Variants in CNOT6L observed in about 807,000 individuals in gnomAD.
CNOT6L encodes the protein CCR4-NOT transcription complex subunit 6 like.
In CNOT6L, 7 loss-of-function variants were observed where a neutral mutation model predicts 64.0. The ratio of observed to expected loss-of-function variants is 0.11; its 90% confidence interval spans 0.06 to 0.21. The LOEUF (loss-of-function observed/expected upper bound fraction) is 0.21, where lower values mean the gene tolerates loss of function less well. Ranked by LOEUF, CNOT6L falls within the 10% of genes least tolerant of loss-of-function variation. The probability of loss-of-function intolerance (pLI) is 1.00; values close to 1 mark genes in which losing one functional copy is unlikely to be tolerated. For synonymous variants in CNOT6L, 193 were observed against 243.4 expected (o/e 0.79, Z 1.93); for missense variants, 245 against 669.0 (o/e 0.37, Z 6.99).
intron 8 of CNOT6L, among the ~76,000 whole-genome samples, chr4:77,736,396 T>C (rs1272692413): frequency 6.6e-6 from 1 of 152,234 alleles, no homozygotes; most frequent in Non-Finnish European, 1.5e-5. Context: ...ATCTACAATT[T>C]ATCTTATTTC....
At chr4:77,810,359 A>G (rs1211656651) in intron 1 of CNOT6L, among the ~76,000 whole-genome samples, 1 of 152,204 alleles carries the variant, frequency 6.6e-6, no homozygotes, top group African/African-American at 2.4e-5. Flanking sequence ...TTAGAAAATT[A>G]TAAAGAAAAC....
chr4:77,791,099 G>C (rs1730097147), intron 1 of CNOT6L, among the ~76,000 whole-genome samples: 1 of 151,922 alleles, frequency 6.6e-6, no homozygotes, highest in Non-Finnish European at 1.5e-5. Context: ...CCAACATCAT[G>C]AAACACCGTC....
chr4:77,753,287 A>T lies in CNOT6L; in HGVS notation c.490+3575T>A, dbSNP rs183231714. 2.8e-3 allele frequency among the ~76,000 whole-genome samples: 429 copies of T among 152,280 alleles called. 2 individuals are homozygous for T. The highest frequency in any genetic ancestry group is 1.0e-2 in the African/African-American group (414 of 41,564). On this transcript the variant is annotated intron_variant, in intron 5 of 11. Coordinates refer to ENST00000504123, the MANE Select transcript of CNOT6L (RefSeq NM_144571.3). ...AAGGAAATACTTAAATAAATTTTAC[A>T]AAACCAGTGTAACTTTAATATCACA...
At chr4:77,785,966 C>T (rs1191200711) in intron 1 of CNOT6L, among the ~76,000 whole-genome samples, 2 of 152,102 alleles carry the variant, frequency 1.3e-5, no homozygotes, top group Admixed American at 1.3e-4. Flanking sequence ...AAAATAAAAG[C>T]ATAAGCAAAG....
intron 1 of CNOT6L, among the ~76,000 whole-genome samples, chr4:77,779,427 T>C (rs910999705): frequency 2.6e-5 from 4 of 152,194 alleles, no homozygotes; most frequent in East Asian, 3.8e-4. Context: ...ATAATTACCA[T>C]CTTTTCTGGT....
chr4:77,726,415 ACAC>A, intron 10 of CNOT6L, 46 bp from the exon 11 acceptor site: 10 of 1,462,132 alleles, frequency 6.8e-6, no homozygotes, highest in Non-Finnish European at 9.4e-6. Context: ...TTTAGACCTT[ACAC>A]AAGGCTTCAC....
rs1284631536 is a variant in CNOT6L, at chr4:77,813,242, C to G, written c.5+6062G>C. ...GTAAGAGTTAAGGCTATAAAACTCT[C>G]AGGACAAAACAGGGAAGTAAATATC... On this transcript the variant is annotated intron_variant, in intron 1 of 11. Coordinates refer to ENST00000504123, the MANE Select transcript of CNOT6L (RefSeq NM_144571.3). 4.6e-5 allele frequency among the ~76,000 whole-genome samples: 7 copies of G among 151,994 alleles called. No individual in the cohort carries two copies. The East Asian group carries it at 1.3e-3, about 29-fold the overall frequency.
chr4:77,749,088 G>C (rs1295087351), intron 5 of CNOT6L, among the ~76,000 whole-genome samples: 1 of 152,082 alleles, frequency 6.6e-6, no homozygotes, highest in East Asian at 1.9e-4. Context: ...GGCATTAATG[G>C]CTGAGAAATG....
At chr4:77,779,876 A>C (rs1167140741) in intron 1 of CNOT6L, among the ~76,000 whole-genome samples, 2 of 152,190 alleles carry the variant, frequency 1.3e-5, no homozygotes, top group African/African-American at 4.8e-5. Flanking sequence ...AGGCAGGAGA[A>C]TGGCATGAAC....
At chr4:77,796,384 A>T (rs7666950) in intron 1 of CNOT6L, among the ~76,000 whole-genome samples, 7,248 of 151,908 alleles carry the variant, frequency 0.048, 234 homozygotes, top group South Asian at 0.085. Context: ...ATCATGGGGG[A>T]GGACTTCTCC....
chr4:77,726,775 C>T (rs567633239), intron 10 of CNOT6L, among the ~76,000 whole-genome samples: 52 of 152,174 alleles, frequency 3.4e-4, no homozygotes, highest in Admixed American at 6.5e-4. Flanking sequence ...AACAACTTTG[C>T]GAATATATAA....
rs2109894158 is a variant in CNOT6L at position 77,731,370 on chromosome 4, T to C, written c.1024+17A>G. 1 of 1,604,160 alleles carries C rather than the reference T, an allele frequency of 6.2e-7. No individual in the cohort carries two copies. The highest frequency in any genetic ancestry group is 8.5e-7 in the Non-Finnish European group (1 of 1,176,542). ...ATGGTGTTTATTTTTAGTAAGAATA[T>C]TTTACATTGCACTCACCTGCTCCAA... On this transcript the variant is annotated intron_variant, in intron 9 of 11. Coordinates refer to ENST00000504123, the MANE Select transcript of CNOT6L (RefSeq NM_144571.3).
rs1720706135 is a variant in CNOT6L, at chr4:77,715,943, C to T, written c.*4488G>A. The T allele has an allele frequency of 6.6e-6, 1 of 152,434 alleles. No individual in the cohort carries two copies. The highest frequency in any genetic ancestry group is 1.5e-5 in the Non-Finnish European group (1 of 67,936). The allele number at this position is 152,434 out of a possible 1,614,324, so 9.4% of individuals were successfully genotyped here. The stretch of plus-strand genomic sequence containing the variant: ...CATGATGCTATTACAAAATTAGAAT[C>T]GCCCAAAGCAACCATAGTATAAAAG... On this transcript the variant is annotated 3_prime_UTR_variant, in exon 12 of 12. Coordinates refer to ENST00000504123, the MANE Select transcript of CNOT6L (RefSeq NM_144571.3).
At chr4:77,733,224 G>A (rs1434208181) in intron 8 of CNOT6L, among the ~76,000 whole-genome samples, 1 of 152,098 alleles carries the variant, frequency 6.6e-6, no homozygotes, top group East Asian at 1.9e-4. Context: ...TCAGAGGACA[G>A]AGATGATATA....
intron 1 of CNOT6L, among the ~76,000 whole-genome samples, chr4:77,777,734 G>A (rs761022071): frequency 1.3e-5 from 2 of 152,098 alleles, no homozygotes; most frequent in African/African-American, 2.4e-5. Flanking sequence ...TCCAAGTAAA[G>A]TTTAGAACTT....
chr4:77,758,975 G>A (rs1725866245), intron 4 of CNOT6L, among the ~76,000 whole-genome samples: 1 of 151,866 alleles, frequency 6.6e-6, no homozygotes, highest in Non-Finnish European at 1.5e-5. Context: ...GGCTCACTAA[G>A]GCAGACCTAA....
At chr4:77,771,307 G>A (rs1727534027) in intron 4 of CNOT6L, among the ~76,000 whole-genome samples, 1 of 152,038 alleles carries the variant, frequency 6.6e-6, no homozygotes, top group Non-Finnish European at 1.5e-5. Context: ...TCCAGCCTGG[G>A]CAACAAAAGT....
chr4:77,801,604 A>G (rs1731561898), intron 1 of CNOT6L, among the ~76,000 whole-genome samples: 1 of 142,142 alleles, frequency 7.0e-6, no homozygotes, highest in Non-Finnish European at 1.5e-5. Flanking sequence ...ATCCATGTCT[A>G]TTATTACTCC....
intron 4 of CNOT6L, among the ~76,000 whole-genome samples, chr4:77,770,391 A>C (rs969701325): frequency 1.1e-4 from 17 of 152,218 alleles, no homozygotes; most frequent in Non-Finnish European, 2.4e-4. Context: ...AATAAAACTG[A>C]CTTTGAAATT....
Sources: gnomAD v4.1 joint callset for allele counts (sites outside exome capture counted in the v4.1 genomes callset) on GRCh38, gnomAD v4.1.1 for gene constraint, MANE v1.5 for transcripts, NCBI Gene and HGNC (gene_info 2026-07-23, HGNC 2026-07-21) for gene names.